The following PATJ variants were observed in gnomAD, a reference collection of about 807,000 sequenced individuals.
PATJ encodes PATJ crumbs cell polarity complex component, also known as inaD-like protein.
PATJ carries 190 observed loss-of-function variants against 224.9 expected under a neutral mutation model. The observed-to-expected ratio is 0.84, with a 90% confidence interval of 0.75 to 0.95. PATJ has a LOEUF of 0.95. PATJ is among the 40% of genes least tolerant of loss of function. PATJ has a pLI of 0.00. For missense variants in PATJ, 2,121 were observed against 2,270.3 expected (o/e 0.93, Z 1.34); for synonymous variants, 769 against 820.3 (o/e 0.94, Z 1.07).
rs774980839 is a variant in PATJ, at chr1:61,875,306, C to T, written c.2899C>T (p.Gln967Ter). The T allele has an allele frequency of 6.2e-7, 1 of 1,610,146 alleles. No homozygotes were observed. Among genetic ancestry groups the T allele is most frequent in the Admixed American group, 1.7e-5 (1 of 59,834 alleles). Residue 967 changes from glutamine (Q) to a stop codon, truncating the protein, a stop_gained, in exon 21 of 44, where the codon CAA (glutamine) becomes TAA (stop). Transcript: ENST00000642238. LOFTEE classifies it high-confidence loss of function. ...SVPSTEGNSQ[Q>*]GRFDDLENLN... Reference sequence around the variant, plus strand: ...ACCATCAACTGAAGGAAACAGTCAACAAGGCAGATTTGACGACCTGGAAAA... The same window carrying T: ...ACCATCAACTGAAGGAAACAGTCAATAAGGCAGATTTGACGACCTGGAAAA...
At chr1:61,952,412 G>GT (rs1288297414) in intron 27 of PATJ, 2 of 717,228 alleles carry the variant, frequency 2.8e-6, no homozygotes, top group African/African-American at 3.5e-5. Context: ...GGTTTCCCAG[G>GT]TAAGATTTCT....
intron 14 of PATJ, among the ~76,000 whole-genome samples, chr1:61,810,115 G>C (rs1387375697): frequency 6.6e-6 from 1 of 152,012 alleles, no homozygotes; most frequent in Non-Finnish European, 1.5e-5. Context: ...CTCCCAGAGT[G>C]CTGGGATTAC....
intron 27 of PATJ, among the ~76,000 whole-genome samples, chr1:61,942,449 A>G (rs971388956): frequency 6.6e-6 from 1 of 152,154 alleles, no homozygotes; most frequent in African/African-American, 2.4e-5. Flanking sequence ...CATTCACTAG[A>G]ATGATTTTAA....
chr1:61,857,909 T>G (rs899023870), intron 18 of PATJ, among the ~76,000 whole-genome samples: 4 of 152,220 alleles, frequency 2.6e-5, no homozygotes, highest in Non-Finnish European at 5.9e-5. Context: ...CGAAGGTATT[T>G]TTTTAACTCC....
intron 39 of PATJ, among the ~76,000 whole-genome samples, chr1:62,125,263 A>AAC (rs1491053729): frequency 9.5e-5 from 6 of 62,946 alleles, no homozygotes; most frequent in Non-Finnish European, 8.3e-5. Context: ...ACAAAAAAAA[A>AAC]CAAAAAAAAA....
At chr1:62,117,315 T>C (rs2148901543) in intron 37 of PATJ, 97 bp downstream of exon 37, 3 of 1,545,824 alleles carry the variant, frequency 1.9e-6, no homozygotes, top group Non-Finnish European at 2.6e-6. Context: ...TAATATCTAA[T>C]GTACAGCATA....
rs1675409609 is a variant in PATJ, at chr1:61,927,641, T to A, written c.3571-89T>A. 7.5e-6 allele frequency: 6 copies of A among 803,644 alleles called. No homozygotes were observed. The South Asian group carries it at 8.6e-5, about 12-fold the overall frequency. 49.8% of individuals were successfully genotyped at this position (803,644 alleles called of 1,614,324 possible). ...TGAAGTTGGGTATGGTCTAAATATT[T>A]CCAGACTATCTTTTTATGCTTTTTG... is the stretch of plus-strand genomic sequence containing the variant. On this transcript the variant is annotated intron_variant, in intron 26 of 43. Transcript: ENST00000642238.
chr1:62,092,772 C>T (rs966624475), intron 33 of PATJ, among the ~76,000 whole-genome samples: 2 of 143,876 alleles, frequency 1.4e-5, no homozygotes, highest in African/African-American at 5.6e-5. Context: ...AGCCAAGTCT[C>T]GCTCTGTCAC....
intron 41 of PATJ, among the ~76,000 whole-genome samples, chr1:62,137,867 ATCTCCTCCT>A (rs1667114924): frequency 6.6e-6 from 1 of 150,628 alleles, no homozygotes; most frequent in African/African-American, 2.4e-5. Flanking sequence ...AGGTGGGGGG[ATCTCCTCCT>A]TCTCTTCCTT....
chr1:61,818,154 C>T (rs1656532231), intron 14 of PATJ, among the ~76,000 whole-genome samples: 1 of 152,206 alleles, frequency 6.6e-6, no homozygotes, highest in Non-Finnish European at 1.5e-5. Context: ...ATAGGTCTCG[C>T]CACTTGTGGG....
In PATJ at chr1:61,851,575, G is replaced by A. The variant is rs143860580; in HGVS notation, c.2113-4455G>A. ...CAGTTCTGAAGGATTTTCCTTCCAC[G>A]AAGAATAAAGGAGTTAGGACTTTAT... is the stretch of plus-strand genomic sequence containing the variant. On this transcript the variant is annotated intron_variant, in intron 17 of 43. Transcript: ENST00000642238. Among the ~76,000 whole-genome samples the A allele has an allele frequency of 4.0e-3, 611 of 152,270 alleles. 5 individuals are homozygous for A. The highest frequency in any genetic ancestry group is 0.014 in the African/African-American group (572 of 41,556).
intron 27 of PATJ, among the ~76,000 whole-genome samples, chr1:61,963,611 A>G (rs1178584408): frequency 6.6e-6 from 1 of 152,098 alleles, no homozygotes; most frequent in Non-Finnish European, 1.5e-5. Context: ...AAAAAAAAGT[A>G]AACCATCAGG....
At position 62,127,959 on chromosome 1, in the gene PATJ, C is replaced by A; in HGVS notation, c.5044-13C>A. 1 of 1,613,588 alleles carries A rather than the reference C, an allele frequency of 6.2e-7. No homozygotes were observed. Among genetic ancestry groups the A allele is most frequent in the Non-Finnish European group, 8.5e-7 (1 of 1,179,690 alleles). The stretch of plus-strand genomic sequence containing the variant: ...ATTAAATATAAAAGCATTATGTTTT[C>A]TTCCTTTTTTAGGAGCTCAGTGATG... On this transcript the variant is annotated splice_polypyrimidine_tract_variant and intron_variant, in intron 39 of 43. Transcript: ENST00000642238.
intron 27 of PATJ, among the ~76,000 whole-genome samples, chr1:61,977,663 CA>C (rs1298629253): frequency 6.6e-6 from 1 of 151,796 alleles, no homozygotes; most frequent in Non-Finnish European, 1.5e-5. Flanking sequence ...ACACTGATTA[CA>C]GGTATGATCC....
intron 38 of PATJ, among the ~76,000 whole-genome samples, chr1:62,122,094 G>GT (rs1007329554): frequency 6.6e-6 from 1 of 152,076 alleles, no homozygotes; most frequent in Non-Finnish European, 1.5e-5. Flanking sequence ...GCCGGGCCCG[G>GT]TGGCTCATGC....
chr1:62,041,215 C>G (rs1382843370), intron 30 of PATJ, among the ~76,000 whole-genome samples: 1 of 152,146 alleles, frequency 6.6e-6, no homozygotes, highest in Non-Finnish European at 1.5e-5. Flanking sequence ...AGGGGTTAAC[C>G]TTTGCTCTCC....
At chr1:61,812,354 TAGAGAGAGAGAGAGAG>T (rs71050165) in intron 14 of PATJ, among the ~76,000 whole-genome samples, 88,296 of 111,486 alleles carry the variant, frequency 0.79, 36,040 homozygotes, top group Middle Eastern at 0.88. Context: ...GGGGAGGGAA[TAGAGAGAGAGAGAGAG>T]AGAGAGAGAG....
chr1:61,999,446 T>A (rs1645612887), intron 28 of PATJ, among the ~76,000 whole-genome samples: 1 of 152,094 alleles, frequency 6.6e-6, no homozygotes, highest in Admixed American at 6.5e-5. Context: ...GGTGGGCAGA[T>A]CACCTGAGGT....
chr1:61,895,099 C>A (rs1296458632), intron 22 of PATJ, among the ~76,000 whole-genome samples: 1 of 152,136 alleles, frequency 6.6e-6, no homozygotes, highest in East Asian at 1.9e-4. Flanking sequence ...TTCTAAGCAG[C>A]AAAGCATTGA....
Sources: gnomAD v4.1 joint callset for allele counts (sites outside exome capture counted in the v4.1 genomes callset) on GRCh38, gnomAD v4.1.1 for gene constraint, MANE v1.5 for transcripts, NCBI Gene and HGNC (gene_info 2026-07-23, HGNC 2026-07-21) for gene names.